Variants in DTNB observed in about 807,000 individuals in gnomAD.
DTNB encodes the protein DTN-B.
DTNB carries 63 observed loss-of-function variants against 90.7 expected under a neutral mutation model. That is an observed-to-expected ratio of 0.69 (90% confidence interval 0.57 to 0.86). DTNB has a LOEUF of 0.86. Ranked by LOEUF, DTNB falls within the 40% of genes least tolerant of loss-of-function variation. DTNB has a pLI of 0.00. For synonymous variants in DTNB, 277 were observed against 286.7 expected, an observed-to-expected ratio of 0.97 and a Z score of 0.34; for missense variants, 744 against 807.1, an observed-to-expected ratio of 0.92 and a Z score of 0.95.
chr2:25,412,689 T>A (rs181710253), intron 16 of DTNB, among the ~76,000 whole-genome samples: 1 of 152,210 alleles, frequency 6.6e-6, no homozygotes, highest in Admixed American at 6.5e-5. Context: ...AAATCCTTCA[T>A]GAATAAACAG....
Position 25,643,045 on chromosome 2 carries a change from C to T in DTNB, c.68-3951G>A, listed in dbSNP as rs553985549. Among the ~76,000 whole-genome samples the T allele has an allele frequency of 3.3e-4, 50 of 152,190 alleles. No individual in the cohort carries two copies. In the South Asian group the frequency reaches 8.9e-3, roughly 27 times the overall value. ...CTGGGATTACAGGTGTGAGCCACCG[C>T]GCCCGGCCCCAGTAGAGTTTTATAA... On this transcript the variant is annotated intron_variant, in intron 2 of 20. Transcript: ENST00000406818.
At chr2:25,405,409 C>T (rs549310432) in intron 16 of DTNB, among the ~76,000 whole-genome samples, 14 of 152,136 alleles carry the variant, frequency 9.2e-5, no homozygotes, top group African/African-American at 2.2e-4. Flanking sequence ...GTTGTGGCTG[C>T]GGGCACCTGT....
At chr2:25,633,820 C>T (rs1343184599) in intron 3 of DTNB, among the ~76,000 whole-genome samples, 4 of 150,672 alleles carry the variant, frequency 2.7e-5, no homozygotes, top group East Asian at 4.0e-4. Flanking sequence ...GCCTCTGCCC[C>T]GCCACCCCGT....
intron 3 of DTNB, among the ~76,000 whole-genome samples, chr2:25,635,358 C>T (rs2076922016): frequency 1.3e-5 from 2 of 152,034 alleles, no homozygotes; most frequent in African/African-American, 4.8e-5. Context: ...ACCTAGGAGG[C>T]GGAGGTTGCA....
intron 8 of DTNB, among the ~76,000 whole-genome samples, chr2:25,571,273 C>T (rs2059824554): frequency 6.6e-6 from 1 of 152,166 alleles, no homozygotes; most frequent in Non-Finnish European, 1.5e-5. Flanking sequence ...GGTCTCTCTG[C>T]TCCTCTCTTT....
At chr2:25,407,332 A>G (rs149507253) in intron 16 of DTNB, among the ~76,000 whole-genome samples, 123 of 152,340 alleles carry the variant, frequency 8.1e-4, no homozygotes, top group African/African-American at 2.7e-3. Flanking sequence ...GGGAAAGTAA[A>G]TTAGTACAAC....
chr2:25,576,840 A>C lies in DTNB; in HGVS notation c.874T>G (p.Trp292Gly). The change falls in exon 8 of 21, where the codon TGG (tryptophan) becomes GGG (glycine). Residue 292 changes from tryptophan to glycine, a missense_variant and splice_region_variant. Coordinates refer to ENST00000406818, the MANE Select transcript of DTNB (RefSeq NM_021907.5). Reference sequence around the variant, plus strand: ...CAGATGAAACACAAAGCAGTTACCCAAGAGGAATGCTCCTTCATCTGGTGC... The same window carrying C: ...CAGATGAAACACAAAGCAGTTACCCCAGAGGAATGCTCCTTCATCTGGTGC... ...NQHQMKEHSS[W>G]KSPAKKLSHA... is the part of the protein sequence containing the mutation. 1 of 1,611,498 alleles carries C rather than the reference A, an allele frequency of 6.2e-7. No individual in the cohort carries two copies. Among genetic ancestry groups the C allele is most frequent in the Non-Finnish European group, 8.5e-7 (1 of 1,178,752 alleles).
chr2:25,473,413 G>C (rs961419950), intron 10 of DTNB, among the ~76,000 whole-genome samples: 2 of 149,218 alleles, frequency 1.3e-5, no homozygotes, highest in Middle Eastern at 3.5e-3. Context: ...TAGGAGATAA[G>C]GTCAAAACAT....
At chr2:25,403,261 G>A (rs1255602609) in intron 16 of DTNB, among the ~76,000 whole-genome samples, 1 of 152,098 alleles carries the variant, frequency 6.6e-6, no homozygotes, top group Non-Finnish European at 1.5e-5. Flanking sequence ...GATTACGGGC[G>A]CCCGCCACCA....
At chr2:25,418,072 G>C (rs1282351141) in intron 16 of DTNB, among the ~76,000 whole-genome samples, 1 of 152,134 alleles carries the variant, frequency 6.6e-6, no homozygotes, top group Admixed American at 6.5e-5. Flanking sequence ...TGTACCTACT[G>C]ATGCAGAAAC....
chr2:25,427,823 T>A, intron 14 of DTNB, 192 bp from the exon 15 acceptor site: 1 of 462,170 alleles, frequency 2.2e-6, no homozygotes, highest in South Asian at 3.7e-5. Flanking sequence ...CTGAGAATAA[T>A]AGGTAAAAGT....
At chr2:25,572,760 T>C (rs1424892955) in intron 8 of DTNB, among the ~76,000 whole-genome samples, 3 of 152,036 alleles carry the variant, frequency 2.0e-5, no homozygotes, top group Non-Finnish European at 4.4e-5. Flanking sequence ...CTCAGAAACT[T>C]AGTAGGCCTT....
intron 11 of DTNB, among the ~76,000 whole-genome samples, chr2:25,452,399 T>G (rs1348750372): frequency 6.6e-6 from 1 of 152,212 alleles, no homozygotes; most frequent in African/African-American, 2.4e-5. Context: ...CAAATGCTAT[T>G]TATCCTTATC....
intron 6 of DTNB, among the ~76,000 whole-genome samples, chr2:25,588,989 G>T (rs962213696): frequency 6.6e-6 from 1 of 152,160 alleles, no homozygotes; most frequent in African/African-American, 2.4e-5. Context: ...AGATACACCT[G>T]CCAGGCAATG....
In DTNB at chr2:25,526,362, AATAT is replaced by A. The variant is rs1273988960; in HGVS notation, c.1001+5107_1001+5110del. ...ACAATAGCACTTATAAATATATATA[AATAT>A]ATATATATATATATATATATATATA... is the stretch of plus-strand genomic sequence containing the variant. On this transcript the variant is annotated intron_variant, in intron 9 of 20. Transcript: ENST00000406818. 1.8e-3 allele frequency among the ~76,000 whole-genome samples: 179 copies of A among 99,768 alleles called. 1 individual carries two copies. The highest frequency in any genetic ancestry group is 0.011 in the South Asian group (33 of 3,124). The allele number at this position is 99,768 out of a possible 152,430, so 65.5% of individuals were successfully genotyped here. A position where few individuals can be genotyped will look rare whatever the true frequency, so the allele number is the denominator to read the frequency against.
intron 8 of DTNB, among the ~76,000 whole-genome samples, chr2:25,552,841 A>ATTTTTTTTTTTTTTTTTTTTTTTTTTTT (rs544243784): frequency 1.2e-5 from 1 of 86,036 alleles, no homozygotes; most frequent in Non-Finnish European, 2.3e-5. Context: ...TCTCTTTTTG[A>ATTTTTTTTTTTTTTTTTTTTTTTTTTTT]TTTTTTTTTT....
intron 3 of DTNB, 73 bp downstream of exon 3, chr2:25,638,941 A>G (rs1273182902): frequency 1.5e-6 from 2 of 1,372,822 alleles, no homozygotes; most frequent in African/African-American, 2.9e-5. Flanking sequence ...CAATACAACT[A>G]AAAGATGTTA....
chr2:25,458,923 G>C (rs1234671148), intron 10 of DTNB, among the ~76,000 whole-genome samples: 2 of 152,100 alleles, frequency 1.3e-5, no homozygotes, highest in Non-Finnish European at 2.9e-5. Flanking sequence ...GGGATTACAG[G>C]CATGAGCCAC....
chr2:25,665,475 A>C (rs1162627317), intron 1 of DTNB, among the ~76,000 whole-genome samples: 1 of 152,084 alleles, frequency 6.6e-6, no homozygotes, highest in Non-Finnish European at 1.5e-5. Flanking sequence ...AAATAGAAAA[A>C]AATAGCCAGA....
Sources: allele counts gnomAD v4.1 joint callset (sites outside exome capture counted in the v4.1 genomes callset), GRCh38; gene constraint gnomAD v4.1.1; transcripts MANE v1.5; gene names NCBI Gene and HGNC (gene_info 2026-07-23, HGNC 2026-07-21).